Variants in POM121 observed in about 807,000 individuals in gnomAD.
POM121 encodes nuclear envelope pore membrane protein POM 121.
Under a neutral mutation model 81.3 loss-of-function variants are expected in POM121, and 32 were observed. The observed-to-expected ratio is 0.39, with a 90% CI of 0.30 to 0.53. The LOEUF (loss-of-function observed/expected upper bound fraction) is 0.53, where lower values mean the gene tolerates loss of function less well. Ranked by LOEUF, POM121 falls within the 20% of genes least tolerant of loss-of-function variation. The pLI, the probability that POM121 is intolerant of heterozygous loss-of-function variation, is 0.66. For synonymous variants in POM121, 514 were observed against 694.2 expected (o/e 0.74, Z 4.08); for missense variants, 1,138 against 1,614.6 (o/e 0.70, Z 5.06).
intron 10 of POM121, among the ~76,000 whole-genome samples, chr7:72,941,497 T>TTG (rs1295884141): frequency 3.4e-5 from 5 of 147,768 alleles, no homozygotes; most frequent in South Asian, 2.2e-4. Flanking sequence ...CCATTCATAG[T>TTG]TGTGTGCTCT....
intron 1 of POM121, among the ~76,000 whole-genome samples, chr7:72,884,890 T>C (rs1554489842): frequency 6.6e-6 from 1 of 152,132 alleles, no homozygotes; most frequent in South Asian, 2.1e-4. Flanking sequence ...AGCACAGTAA[T>C]TGAATTCAGG....
chr7:72,886,864 A>G (rs1213647749), intron 1 of POM121, among the ~76,000 whole-genome samples: 1 of 150,050 alleles, frequency 6.7e-6, no homozygotes, highest in African/African-American at 2.5e-5. Flanking sequence ...TTTGATTGCA[A>G]TATGTCATGG....
At chr7:72,923,707 C>A (rs1171154743), upstream of POM121, among the ~76,000 whole-genome samples, 3 of 141,712 alleles carry the variant, frequency 2.1e-5, no homozygotes, top group African/African-American at 7.9e-5. Context: ...TCACGCCATT[C>A]TCCTGCCTCA....
At chr7:72,930,203 C>G in intron 5 of POM121, 92 bp downstream of exon 5, 1 of 1,450,160 alleles carries the variant, frequency 6.9e-7, no homozygotes, top group Non-Finnish European at 9.2e-7. Flanking sequence ...CCATGTAATC[C>G]CAGCACTTTG....
chr7:72,888,119 T>G (rs1352389609), intron 1 of POM121, among the ~76,000 whole-genome samples: 1 of 152,168 alleles, frequency 6.6e-6, no homozygotes, highest in African/African-American at 2.4e-5. Context: ...CTGCCTCAGC[T>G]TTCCAGAGTG....
In POM121 at chr7:72,916,013, A is replaced by G. The variant is rs146053258; in HGVS notation, c.-152+2185A>G. ...GGGGTTGTTTGTTTTTTCCTTGTAA[A>G]TTTGTTTAAGTTCCTTGTAGTTTCT... On this transcript the variant is annotated intron_variant, in intron 4 of 15. Coordinates refer to the POM121 transcript ENST00000395270. Among the ~76,000 whole-genome samples the G allele has an allele frequency of 4.0e-3, 603 of 152,106 alleles. 3 individuals carry two copies. Among genetic ancestry groups the G allele is most frequent in the African/African-American group, 0.013 (554 of 41,486 alleles).
chr7:72,927,077 G>A (rs1185029254), intron 3 of POM121, 114 bp downstream of exon 3: 2 of 1,532,522 alleles, frequency 1.3e-6, no homozygotes, highest in African/African-American at 1.4e-5. Context: ...GCCTTCGTAG[G>A]CCCCCTTCTT....
chr7:72,894,137 G>A (rs530332128), intron 3 of POM121, among the ~76,000 whole-genome samples: 4 of 152,214 alleles, frequency 2.6e-5, no homozygotes, highest in Admixed American at 1.3e-4. Context: ...GGTGACACGC[G>A]CCTGTAGTCC....
intron 1 of POM121, among the ~76,000 whole-genome samples, chr7:72,883,026 C>CTGTT (rs1159582634): frequency 4.0e-5 from 6 of 151,874 alleles, no homozygotes; most frequent in African/African-American, 1.5e-4. Flanking sequence ...ATGGTGAAGT[C>CTGTT]TGTTTTGTTT....
At chr7:72,915,159 T>G (rs1447759693) in intron 4 of POM121, among the ~76,000 whole-genome samples, 1 of 152,204 alleles carries the variant, frequency 6.6e-6, no homozygotes, top group African/African-American at 2.4e-5. Context: ...TCCCTGGTAA[T>G]GTTAGATTGT....
At chr7:72,882,583 A>G (rs567760377) in intron 1 of POM121, among the ~76,000 whole-genome samples, 20 of 152,286 alleles carry the variant, frequency 1.3e-4, no homozygotes, top group Admixed American at 2.6e-4. Context: ...CCCAAGGAGA[A>G]CTTGGTGCAT....
intron 1 of POM121, among the ~76,000 whole-genome samples, chr7:72,882,682 C>G (rs572044891): frequency 3.9e-5 from 6 of 152,224 alleles, no homozygotes; most frequent in South Asian, 4.1e-4. Context: ...GAATGAATGA[C>G]GTGATCATCC....
intron 4 of POM121, 64 bp downstream of exon 4, chr7:72,928,529 G>T (rs188608773): frequency 5.1e-6 from 8 of 1,555,220 alleles, no homozygotes; most frequent in Non-Finnish European, 7.1e-6. Context: ...CAGAGCTGTT[G>T]CCCTATAGAT....
At chr7:72,901,436 C>A (rs1193759683) in intron 3 of POM121, among the ~76,000 whole-genome samples, 3 of 150,854 alleles carry the variant, frequency 2.0e-5, no homozygotes, top group African/African-American at 7.3e-5. Context: ...CTCACTGCAA[C>A]CTCCACCTCC....
intron 10 of POM121, among the ~76,000 whole-genome samples, 171 bp downstream of exon 10, chr7:72,941,164 G>A (rs1272978791): frequency 6.7e-6 from 1 of 149,680 alleles, no homozygotes; most frequent in Non-Finnish European, 1.5e-5. Flanking sequence ...CCCGCATCAG[G>A]AAGTGTTAGA....
intron 3 of POM121, among the ~76,000 whole-genome samples, chr7:72,910,580 A>G (rs1393149625): frequency 1.3e-5 from 2 of 151,652 alleles, no homozygotes; most frequent in African/African-American, 2.4e-5. Context: ...TGCTTGGTGG[A>G]GAGGGGAGAG....
intron 11 of POM121, among the ~76,000 whole-genome samples, chr7:72,943,896 C>T (rs1200895085): frequency 2.3e-4 from 35 of 152,148 alleles, no homozygotes; most frequent in South Asian, 2.1e-4. Flanking sequence ...AAAAATTAGC[C>T]GGGCGTGGTG....
exon 1 of POM121, chr7:72,879,808 C>T (rs1253217571): frequency 2.6e-5 from 13 of 501,778 alleles, no homozygotes; most frequent in Middle Eastern, 5.8e-4. Flanking sequence ...ACTTCGCGAG[C>T]AGACGCGCGC....
chr7:72,917,076 GT>G (rs1175467644), intron 4 of POM121, among the ~76,000 whole-genome samples: 3 of 152,134 alleles, frequency 2.0e-5, no homozygotes, highest in African/African-American at 7.2e-5. Flanking sequence ...ACTTCTCATT[GT>G]TTGCTATGTG....
Sources: allele counts gnomAD v4.1 joint callset (sites outside exome capture counted in the v4.1 genomes callset), GRCh38; gene constraint gnomAD v4.1.1; transcripts MANE v1.5; gene names NCBI Gene and HGNC (gene_info 2026-07-23, HGNC 2026-07-21).